PARD6G: variants seen among roughly 807,000 people sequenced by gnomAD.
PARD6G encodes the protein par-6 family cell polarity regulator gamma, also known as partitioning defective 6 homolog gamma.
Under a neutral mutation model 10.7 loss-of-function variants are expected in PARD6G, and 7 were observed. The observed-to-expected ratio is 0.66, with a 90% CI of 0.37 to 1.23. PARD6G has a LOEUF of 1.23. Ranked by LOEUF, PARD6G falls within the 50% of genes most tolerant of loss-of-function variation. The pLI, the probability that PARD6G is intolerant of heterozygous loss-of-function variation, is 0.02. For missense variants in PARD6G, 548 were observed against 571.8 expected, an observed-to-expected ratio of 0.96 and a Z score of 0.42; for synonymous variants, 287 against 269.4, an observed-to-expected ratio of 1.07 and a Z score of -0.64.
At chr18:80,237,645 A>G (rs1382119289) in intron 1 of PARD6G, among the ~76,000 whole-genome samples, 1 of 152,226 alleles carries the variant, frequency 6.6e-6, no homozygotes, top group Non-Finnish European at 1.5e-5. Flanking sequence ...AACACAAACA[A>G]ATTTACAAGA....
At position 80,247,231 on chromosome 18, in the gene PARD6G, G is replaced by GC; in HGVS notation, c.72+45dup. On this transcript the variant is annotated intron_variant, in intron 1 of 2. Coordinates refer to ENST00000353265, the MANE Select transcript of PARD6G (RefSeq NM_032510.4). This position sits in a 1 kb window ranked among gnomAD's most constrained non-coding sequence, Gnocchi z 4.2. ...CCTCCGCGGGGCGCCCCATTCATTA[G>GC]CCAGGAGACTGGGCGCAGGGCCGCC... 6.7e-7 allele frequency: 1 copy of GC among 1,496,222 alleles called. No individual in the cohort carries two copies. The highest frequency in any genetic ancestry group is 9.1e-7 in the Non-Finnish European group (1 of 1,099,712). The allele number at this position is 1,496,222 out of a possible 1,614,324, so 92.7% of individuals were successfully genotyped here. A position where few individuals can be genotyped will look rare whatever the true frequency, so the allele number is the denominator to read the frequency against.
intron 1 of PARD6G, among the ~76,000 whole-genome samples, chr18:80,243,981 G>A (rs1160730391): frequency 6.6e-6 from 1 of 152,136 alleles, no homozygotes; most frequent in Admixed American, 6.5e-5. Flanking sequence ...TCATGCGGAC[G>A]ACAGTGGAAT....
Position 80,231,213 on chromosome 18 carries a change from G to A in PARD6G, c.72+16064C>T, listed in dbSNP as rs184227434. The stretch of plus-strand genomic sequence containing the variant: ...AGGGCTCAGGAGACTCTAGTGCTGA[G>A]AGGTAGGGCCAGGGGAAAGGTGCTG... On this transcript the variant is annotated intron_variant, in intron 1 of 2. Coordinates refer to ENST00000353265, the MANE Select transcript of PARD6G (RefSeq NM_032510.4). The surrounding 1 kb of genome is among the most constrained non-coding windows in gnomAD (Gnocchi z 4.2). Among the ~76,000 whole-genome samples the A allele has an allele frequency of 1.0e-3, 153 of 152,354 alleles. No individual in the cohort carries two copies. Among genetic ancestry groups the A allele is most frequent in the African/African-American group, 2.8e-3 (117 of 41,584 alleles).
intron 1 of PARD6G, among the ~76,000 whole-genome samples, chr18:80,240,440 G>A (rs1201810136): frequency 6.6e-6 from 1 of 152,096 alleles, no homozygotes; most frequent in Admixed American, 6.6e-5. Context: ...TTCGACCCAA[G>A]GAACACTGAT....
In PARD6G at chr18:80,246,048, A is replaced by T. The variant is rs1342291196; in HGVS notation, c.72+1229T>A. ...CCCTGGAAATCCTACTCCAAAGGTC[A>T]GAGCAGCACAGCGAGAGGGGGCTGT... On this transcript the variant is annotated intron_variant, in intron 1 of 2. Transcript: ENST00000353265. The surrounding 1 kb of genome is among the most constrained non-coding windows in gnomAD (Gnocchi z 6.7). 6.6e-6 allele frequency among the ~76,000 whole-genome samples: 1 copy of T among 152,110 alleles called. No individual in the cohort carries two copies. The highest frequency in any genetic ancestry group is 1.5e-5 in the Non-Finnish European group (1 of 68,000).
chr18:80,212,667 T>G (rs1967121153), intron 1 of PARD6G, among the ~76,000 whole-genome samples: 1 of 152,040 alleles, frequency 6.6e-6, no homozygotes, highest in African/African-American at 2.4e-5. Flanking sequence ...GGGCGGATGA[T>G]GAGGTCAGGA....
rs1383170983 is a variant in PARD6G, at chr18:80,201,772, C to T, written c.295+938G>A. 6.6e-6 allele frequency among the ~76,000 whole-genome samples: 1 copy of T among 152,252 alleles called. No homozygotes were observed. The highest frequency in any genetic ancestry group is 1.5e-5 in the Non-Finnish European group (1 of 68,050). On this transcript the variant is annotated intron_variant, in intron 2 of 2. Coordinates refer to ENST00000353265, the MANE Select transcript of PARD6G (RefSeq NM_032510.4). The surrounding 1 kb of genome is among the most constrained non-coding windows in gnomAD (Gnocchi z 5.9). ...GGTTACTATGAGGACCCTCGTTTTG[C>T]AAAGCAGGACGCTGGGGTGAAGGAG...
chr18:80,179,738 G>A (rs1251616339), intron 2 of PARD6G, among the ~76,000 whole-genome samples: 2 of 152,274 alleles, frequency 1.3e-5, no homozygotes, highest in Non-Finnish European at 2.9e-5. Context: ...AGTGGCGGAT[G>A]CCCATGCCAT....
chr18:80,219,221 T>C (rs1158526820), intron 1 of PARD6G, among the ~76,000 whole-genome samples: 4 of 152,078 alleles, frequency 2.6e-5, no homozygotes, highest in African/African-American at 9.7e-5. Flanking sequence ...TGTTTGTTTG[T>C]TTGTTTGAGA....
intron 1 of PARD6G, among the ~76,000 whole-genome samples, chr18:80,207,365 T>C (rs558336208): frequency 1.3e-5 from 2 of 151,412 alleles, no homozygotes; most frequent in East Asian, 3.9e-4. Flanking sequence ...CGATGTTTAT[T>C]TGGATGGCTA....
chr18:80,209,128 A>AAAC (rs1967082959), intron 1 of PARD6G, among the ~76,000 whole-genome samples: 9 of 151,592 alleles, frequency 5.9e-5, no homozygotes, highest in Non-Finnish European at 1.3e-4. Flanking sequence ...AACAAACAAA[A>AAAC]AAAAAAAACA....
chr18:80,215,279 G>C (rs747032788), intron 1 of PARD6G, among the ~76,000 whole-genome samples: 1 of 152,118 alleles, frequency 6.6e-6, no homozygotes, highest in African/African-American at 2.4e-5. Flanking sequence ...TGAAATAAAA[G>C]AACATTACAC....
chr18:80,202,891 C>G lies in PARD6G; in HGVS notation c.114G>C (p.Lys38Asn). The change falls in exon 2 of 3, where the codon AAG becomes AAC. Residue 38 changes from lysine (K) to asparagine (N), a missense_variant. Lys to Asn is a moderately conservative substitution (Grantham distance 94). This residue lies in a region of PARD6G where 235 missense variants were observed against 291.9 expected (regional missense o/e 0.81). Transcript: ENST00000353265. ...EFRRFSLDRH[K>N]PGKFEDFYKL... ...TGTAGAAATCTTCAAACTTCCCAGG[C>G]TTATGACGGTCCAGAGAGAACCTTC... is the stretch of plus-strand genomic sequence containing the variant. The G allele has an allele frequency of 6.3e-7, 1 of 1,598,950 alleles. No homozygotes were observed. The highest frequency in any genetic ancestry group is 1.4e-5 in the African/African-American group (1 of 69,850).
intron 1 of PARD6G, among the ~76,000 whole-genome samples, chr18:80,213,725 G>A (rs1226565322): frequency 2.6e-5 from 4 of 152,090 alleles, no homozygotes; most frequent in African/African-American, 4.8e-5. Flanking sequence ...CTGGGAGGCC[G>A]AGGAGGGCGG....
chr18:80,220,609 TTTTTTTA>T (rs1967218247), intron 1 of PARD6G, among the ~76,000 whole-genome samples: 1 of 152,114 alleles, frequency 6.6e-6, no homozygotes, highest in Non-Finnish European at 1.5e-5. Flanking sequence ...ATCTTTGTTT[TTTTTTTA>T]TTTTTTATTT....
rs1599838991 is a variant in PARD6G, at chr18:80,159,873, G to A, written c.1029C>T (p.Gly343=). The change falls in exon 3 of 3, where the codon GGC becomes GGT. Residue 343 remains glycine (G), a synonymous_variant. Transcript: ENST00000353265. ...GGGAGCTGAGCAGCCGCTGGAGGCC[G>A]CCGTCCAGGGCCAGGTCCCGCTGCA... ...QRLQRDLALD[G]GLQRLLSSLR... 1.3e-6 allele frequency: 2 copies of A among 1,509,158 alleles called. No individual in the cohort carries two copies. The highest frequency in any genetic ancestry group is 2.7e-5 in the East Asian group (1 of 36,794). 93.5% of individuals were successfully genotyped at this position (1,509,158 alleles called of 1,614,324 possible).
rs1255781812 is a variant in PARD6G, at chr18:80,159,853, C to G, written c.1049G>C (p.Ser350Thr). Residue 350 changes from serine (S) to threonine (T), a missense_variant, in exon 3 of 3, where the codon AGC (serine) becomes ACC (threonine). Ser to Thr is a moderately conservative substitution (Grantham distance 58). This residue lies in a region of PARD6G where 313 missense variants were observed against 279.9 expected (regional missense o/e 1.12). Transcript: ENST00000353265. ...GTGACGGGGGTCGGCCCGCAGGGAG[C>G]TGAGCAGCCGCTGGAGGCCGCCGTC... Reference protein sequence around the residue: ...ALDGGLQRLLSSLRADPRHSL... With the variant: ...ALDGGLQRLLTSLRADPRHSL... The G allele has an allele frequency of 2.7e-6, 4 of 1,508,296 alleles. No homozygotes were observed. The highest frequency in any genetic ancestry group is 2.5e-5 in the South Asian group (2 of 79,410). 93.4% of individuals were successfully genotyped at this position (1,508,296 alleles called of 1,614,324 possible).
At chr18:80,225,737 T>TG (rs1967282303) in intron 1 of PARD6G, among the ~76,000 whole-genome samples, 1 of 152,218 alleles carries the variant, frequency 6.6e-6, no homozygotes, top group Non-Finnish European at 1.5e-5. Context: ...TGGAGAAGCG[T>TG]GGGAAAGTAG....
chr18:80,174,425 C>G (rs1044074712), intron 2 of PARD6G, among the ~76,000 whole-genome samples: 8 of 152,144 alleles, frequency 5.3e-5, no homozygotes, highest in African/African-American at 1.9e-4. Context: ...ACCTCAGCCT[C>G]CCAAAGTGCT....
Sources: allele counts gnomAD v4.1 joint callset (sites outside exome capture counted in the v4.1 genomes callset), GRCh38; gene constraint gnomAD v4.1.1; regional missense constraint gnomAD v4.1.1; non-coding constraint Gnocchi (gnomAD v3.1); transcripts MANE v1.5; gene names NCBI Gene and HGNC (gene_info 2026-07-23, HGNC 2026-07-21).